The following AKT1S1 variants were observed in gnomAD, a reference collection of about 807,000 sequenced individuals.
The protein encoded by AKT1S1 is proline-rich AKT1 substrate 1.
AKT1S1 carries 17 observed loss-of-function variants against 21.2 expected under a neutral mutation model. The ratio of observed to expected loss-of-function variants is 0.80; its 90% CI spans 0.55 to 1.20. The LOEUF (loss-of-function observed/expected upper bound fraction) is 1.20, where lower values mean the gene tolerates loss of function less well. AKT1S1 is among the 50% of genes most tolerant of loss of function. The pLI is 0.00. For synonymous variants in AKT1S1, 181 were observed against 165.6 expected (o/e 1.09, Z -0.72); for missense variants, 366 against 368.3 (o/e 0.99, Z 0.05).
At chr19:49,872,871 C>T (rs753075763) in intron 2 of AKT1S1, 46 bp downstream of exon 2, 2 of 1,563,274 alleles carry the variant, frequency 1.3e-6, no homozygotes, top group East Asian at 2.3e-5. Flanking sequence ...CTCCTGCGGG[C>T]ACCTCAAGCG....
chr19:49,877,723 T>G (rs368072810), upstream of AKT1S1: 17 of 1,600,396 alleles, frequency 1.1e-5, no homozygotes, highest in Non-Finnish European at 1.4e-5. Context: ...CGGCGGCGAC[T>G]ATGGAAGGAG....
upstream of AKT1S1, chr19:49,877,666 G>C: frequency 1.3e-6 from 2 of 1,579,912 alleles, no homozygotes; most frequent in South Asian, 2.3e-5. Context: ...CTCCGGAAGT[G>C]ACAACACGCT....
intron 4 of AKT1S1, among the ~76,000 whole-genome samples, chr19:49,870,290 C>T (rs1216298741): frequency 6.6e-6 from 1 of 152,224 alleles, no homozygotes; most frequent in East Asian, 1.9e-4. Context: ...TGCCCCTCTC[C>T]CTCTCCCCTT....
chr19:49,877,645 G>A (rs1396651686), upstream of AKT1S1: 8 of 1,514,456 alleles, frequency 5.3e-6, no homozygotes, highest in Admixed American at 1.6e-4. Flanking sequence ...GGCCCGGAGG[G>A]GAACTGTTTT....
chr19:49,871,000 C>T (rs760880405), intron 4 of AKT1S1, among the ~76,000 whole-genome samples: 1 of 152,204 alleles, frequency 6.6e-6, no homozygotes, highest in Non-Finnish European at 1.5e-5. Context: ...CTGAAACACA[C>T]CTGGGTTCCA....
chr19:49,877,675 C>A (rs1048803082), upstream of AKT1S1: 1 of 1,587,466 alleles, frequency 6.3e-7, no homozygotes, highest in Non-Finnish European at 8.6e-7. Flanking sequence ...TGACAACACG[C>A]TGACTAGGAA....
At chr19:49,877,908 G>A (rs775390901), upstream of AKT1S1, 16 of 904,806 alleles carry the variant, frequency 1.8e-5, no homozygotes, top group Non-Finnish European at 2.3e-5. Context: ...CCCCAGGGAA[G>A]AACCTCCCAT....
upstream of AKT1S1, chr19:49,877,562 T>G (rs2074964355): frequency 1.5e-5 from 10 of 666,202 alleles, no homozygotes; most frequent in Non-Finnish European, 2.2e-5. Context: ...GAGGTTCCAG[T>G]GGAATAACCC....
upstream of AKT1S1, chr19:49,878,034 TC>T: frequency 2.1e-6 from 2 of 944,958 alleles, no homozygotes; most frequent in Non-Finnish European, 3.1e-6. Flanking sequence ...GCAATGGCCC[TC>T]CCGGCCCCGC....
chr19:49,871,021 T>C (rs2074877654), intron 4 of AKT1S1, among the ~76,000 whole-genome samples: 1 of 152,210 alleles, frequency 6.6e-6, no homozygotes, highest in Non-Finnish European at 1.5e-5. Flanking sequence ...GTCCCAGCTC[T>C]GCCTCTCAGG....
chr19:49,873,393 A>G lies in AKT1S1; in HGVS notation c.-7-91T>C. The stretch of plus-strand genomic sequence containing the variant: ...AGTGCCCGCCCGTCCCCTGGATGGC[A>G]CTCACCACCCTCCACCCACCTTGTC... On this transcript the variant is annotated intron_variant, in intron 1 of 4. Coordinates refer to ENST00000344175, the MANE Select transcript of AKT1S1 (RefSeq NM_001098633.4). The surrounding 1 kb of genome is among the most constrained non-coding windows in gnomAD (Gnocchi z 6.9). 7.3e-7 allele frequency: 1 copy of G among 1,367,148 alleles called. No homozygotes were observed. The highest frequency in any genetic ancestry group is 9.4e-7 in the Non-Finnish European group (1 of 1,066,730). 84.7% of individuals were successfully genotyped at this position (1,367,148 alleles called of 1,614,324 possible).
In AKT1S1 at chr19:49,872,961, T is replaced by A; in HGVS notation, c.335A>T (p.Glu112Val). 6.2e-7 allele frequency: 1 copy of A among 1,604,138 alleles called. No homozygotes were observed. The highest frequency in any genetic ancestry group is 1.1e-5 in the South Asian group (1 of 89,220). ...DNEEDEDEPT[E>V]TETSGEQLGI... ...CAGCTGCTCCCCGGAGGTCTCTGTCTCTGTGGGCTCATCCTCGTCCTCCTC... is the reference window on the plus strand; with the variant it reads ...CAGCTGCTCCCCGGAGGTCTCTGTCACTGTGGGCTCATCCTCGTCCTCCTC... Residue 112 changes from glutamate to valine, a missense_variant, in exon 2 of 5, where the codon GAG becomes GTG. By Grantham distance (121) the Glu-to-Val change is moderately radical. Transcript: ENST00000344175.
chr19:49,869,749 C>G lies in AKT1S1; in HGVS notation c.*168G>C. 1 of 776,726 alleles carries G rather than the reference C, an allele frequency of 1.3e-6. No homozygotes were observed. Among genetic ancestry groups the G allele is most frequent in the Non-Finnish European group, 1.9e-6 (1 of 535,260 alleles). The allele number at this position is 776,726 out of a possible 1,614,324, so 48.1% of individuals were successfully genotyped here. On this transcript the variant is annotated 3_prime_UTR_variant, in exon 5 of 5. Coordinates refer to ENST00000344175, the MANE Select transcript of AKT1S1 (RefSeq NM_001098633.4). ...GATGCCGCTCCTCGGCGCGGCAGGT[C>G]GTGGGCTGGAAGGACGGCGGGGATT...
upstream of AKT1S1, chr19:49,877,525 T>C: frequency 1.8e-6 from 1 of 556,844 alleles, no homozygotes; most frequent in Non-Finnish European, 3.2e-6. Flanking sequence ...CTTCAGCGTC[T>C]GCGCCACGTG....
chr19:49,872,070 A>G (rs1269612134), intron 2 of AKT1S1, among the ~76,000 whole-genome samples, 181 bp from the exon 3 acceptor site: 2 of 152,048 alleles, frequency 1.3e-5, no homozygotes, highest in African/African-American at 2.4e-5. Flanking sequence ...ATCGGCAAAA[A>G]CCAACCCAGT....
Position 49,873,427 on chromosome 19 carries a change from G to A in AKT1S1, c.-7-125C>T, listed in dbSNP as rs2074908728. 5.9e-6 allele frequency: 8 copies of A among 1,357,066 alleles called. No individual in the cohort carries two copies. Among genetic ancestry groups the A allele is most frequent in the Non-Finnish European group, 7.6e-6 (8 of 1,059,320 alleles). 84.1% of individuals were successfully genotyped at this position (1,357,066 alleles called of 1,614,324 possible). ...CCTCCACCCACCTTGTCCCAGCGGT[G>A]CTGTGTGTCCTCCCCAAACCTGCTA... is the stretch of plus-strand genomic sequence containing the variant. On this transcript the variant is annotated intron_variant, in intron 1 of 4. Transcript: ENST00000344175. This position sits in a 1 kb window ranked among gnomAD's most constrained non-coding sequence, Gnocchi z 6.9.
At position 49,869,826 on chromosome 19, in the gene AKT1S1, G is replaced by T; in HGVS notation, c.*91C>A. The T allele has an allele frequency of 7.8e-7, 1 of 1,279,930 alleles. No homozygotes were observed. Among genetic ancestry groups the T allele is most frequent in the Non-Finnish European group, 1.0e-6 (1 of 986,194 alleles). The allele number at this position is 1,279,930 out of a possible 1,614,324, so 79.3% of individuals were successfully genotyped here. The stretch of plus-strand genomic sequence containing the variant: ...GGGAGACGCAAGGAGGCCGGTCCCG[G>T]ATCGGCCTCAGATTAGCAGGCCCCG... On this transcript the variant is annotated 3_prime_UTR_variant, in exon 5 of 5. Coordinates refer to ENST00000344175, the MANE Select transcript of AKT1S1 (RefSeq NM_001098633.4).
chr19:49,872,810 G>A (rs2074898611), intron 2 of AKT1S1, 107 bp downstream of exon 2: 1 of 1,328,312 alleles, frequency 7.5e-7, no homozygotes, highest in Middle Eastern at 2.6e-4. Context: ...TCCTGAGACT[G>A]CACTTCTGTA....
intron 4 of AKT1S1, among the ~76,000 whole-genome samples, chr19:49,871,309 TATAA>T (rs1216104374): frequency 2.0e-5 from 3 of 152,214 alleles, no homozygotes; most frequent in Non-Finnish European, 4.4e-5. Flanking sequence ...GCAGGTGTTC[TATAA>T]ATAGAGACGC....
Sources: allele counts gnomAD v4.1 joint callset (sites outside exome capture counted in the v4.1 genomes callset), GRCh38; gene constraint gnomAD v4.1.1; non-coding constraint Gnocchi (gnomAD v3.1); transcripts MANE v1.5; gene names NCBI Gene and HGNC (gene_info 2026-07-23, HGNC 2026-07-21).